TMEM108: variants seen among roughly 807,000 people sequenced by gnomAD.
TMEM108 encodes cancer/testis antigen 124.
In TMEM108, 12 loss-of-function variants were observed where a neutral mutation model predicts 35.1. That is an observed-to-expected ratio of 0.34 (90% CI 0.22 to 0.55). The LOEUF (loss-of-function observed/expected upper bound fraction) is 0.55. TMEM108 is among the 20% of genes least tolerant of loss of function. TMEM108 has a pLI of 0.89. For missense variants in TMEM108, 680 were observed against 753.3 expected (o/e 0.90, Z 1.14); for synonymous variants, 287 against 308.6 (o/e 0.93, Z 0.73).
intron 2 of TMEM108, among the ~76,000 whole-genome samples, chr3:133,112,412 A>AT (rs1944236840): frequency 6.6e-6 from 1 of 152,172 alleles, no homozygotes; most frequent in South Asian, 2.1e-4. Context: ...CATAATGAAG[A>AT]TATTTGTTAA....
intron 1 of TMEM108, among the ~76,000 whole-genome samples, chr3:133,038,969 A>T (rs181361594): frequency 0.24 from 36,982 of 152,034 alleles, 5,324 homozygotes; most frequent in Non-Finnish European, 0.32. Context: ...CTCGCCGGGG[A>T]CGGAGCCTCC....
intron 2 of TMEM108, among the ~76,000 whole-genome samples, chr3:133,206,416 T>A (rs1945755047): frequency 6.6e-6 from 1 of 152,192 alleles, no homozygotes; most frequent in African/African-American, 2.4e-5. Context: ...TTTGGGCAGG[T>A]TTTTCCTCAT....
chr3:133,374,408 G>C (rs2072769763), intron 3 of TMEM108, among the ~76,000 whole-genome samples: 1 of 152,000 alleles, frequency 6.6e-6, no homozygotes, highest in Non-Finnish European at 1.5e-5. Flanking sequence ...GATCTACTTA[G>C]AAGAAACTTA....
chr3:133,174,388 G>A (rs922848272), intron 2 of TMEM108, among the ~76,000 whole-genome samples: 2 of 152,184 alleles, frequency 1.3e-5, no homozygotes, highest in African/African-American at 4.8e-5. Flanking sequence ...CCTCAAGTGG[G>A]TCCCTGACCC....
intron 3 of TMEM108, among the ~76,000 whole-genome samples, chr3:133,240,812 A>T (rs1183644644): frequency 6.6e-6 from 1 of 152,198 alleles, no homozygotes; most frequent in African/African-American, 2.4e-5. Context: ...AGGGTATAAA[A>T]ACATTTCATG....
At chr3:133,179,200 T>C (rs1193343883) in intron 2 of TMEM108, among the ~76,000 whole-genome samples, 3 of 151,788 alleles carry the variant, frequency 2.0e-5, no homozygotes, top group Non-Finnish European at 4.4e-5. Context: ...ACTTTTACAC[T>C]GTTGGTGGGA....
intron 5 of TMEM108, among the ~76,000 whole-genome samples, chr3:133,392,936 T>A (rs1576548139): frequency 6.6e-6 from 1 of 152,186 alleles, no homozygotes; most frequent in Non-Finnish European, 1.5e-5. Flanking sequence ...CAAGGCAGGA[T>A]CCCATGTCCG....
chr3:133,326,490 A>G (rs1409338158), intron 3 of TMEM108, among the ~76,000 whole-genome samples: 1 of 152,158 alleles, frequency 6.6e-6, no homozygotes, highest in Admixed American at 6.6e-5. Flanking sequence ...AAAGCCCTTC[A>G]CCTTACTGGG....
chr3:133,145,851 TGAG>T (rs1315181590), intron 2 of TMEM108, among the ~76,000 whole-genome samples: 3 of 152,216 alleles, frequency 2.0e-5, no homozygotes, highest in Admixed American at 6.5e-5. Context: ...CTTATCAGCT[TGAG>T]GAGATTTTGG....
chr3:133,291,621 A>G (rs944477752), intron 3 of TMEM108, among the ~76,000 whole-genome samples: 6 of 152,000 alleles, frequency 3.9e-5, no homozygotes, highest in Admixed American at 1.3e-4. Context: ...ACCTTCATGG[A>G]GCTATGGAAT....
intron 2 of TMEM108, among the ~76,000 whole-genome samples, chr3:133,202,996 G>A (rs1003803302): frequency 6.6e-6 from 1 of 152,146 alleles, no homozygotes; most frequent in Non-Finnish European, 1.5e-5. Flanking sequence ...TCTCCTTGAA[G>A]AGGTCCTTCA....
intron 2 of TMEM108, among the ~76,000 whole-genome samples, chr3:133,118,110 T>G (rs1205023367): frequency 6.6e-6 from 1 of 151,180 alleles, no homozygotes; most frequent in African/African-American, 2.5e-5. Context: ...GAGTACTACC[T>G]CTAGGTTCTC....
chr3:133,151,639 CAA>C (rs1576347241), intron 2 of TMEM108, among the ~76,000 whole-genome samples: 5 of 152,154 alleles, frequency 3.3e-5, no homozygotes, highest in Admixed American at 1.3e-4. Flanking sequence ...ATAATAGTAA[CAA>C]AGAGCCTATT....
intron 3 of TMEM108, among the ~76,000 whole-genome samples, chr3:133,309,361 T>C (rs1223789891): frequency 6.6e-6 from 1 of 152,180 alleles, no homozygotes; most frequent in African/African-American, 2.4e-5. Flanking sequence ...GTCTATCTCT[T>C]TCAGTTCTGC....
intron 1 of TMEM108, among the ~76,000 whole-genome samples, chr3:133,039,698 A>G (rs984901028): frequency 1.3e-5 from 2 of 152,202 alleles, no homozygotes; most frequent in Non-Finnish European, 2.9e-5. Flanking sequence ...CTAACTCATT[A>G]TGAAGATATT....
At chr3:133,061,838 A>T (rs942509168) in intron 2 of TMEM108, among the ~76,000 whole-genome samples, 3 of 152,210 alleles carry the variant, frequency 2.0e-5, no homozygotes, top group Non-Finnish European at 4.4e-5. Context: ...ATTCAGATTT[A>T]TCACTTTACC....
intron 4 of TMEM108, chr3:133,387,025 T>TTTTC (rs1213152173): frequency 1.0e-6 from 1 of 985,620 alleles, no homozygotes; most frequent in Non-Finnish European, 1.2e-6. Flanking sequence ...TGACTTGTAC[T>TTTTC]TTTCTTTCTT....
chr3:133,278,384 T>C (rs917950783), intron 3 of TMEM108, among the ~76,000 whole-genome samples: 2 of 152,224 alleles, frequency 1.3e-5, no homozygotes, highest in African/African-American at 2.4e-5. Context: ...GGTGGATTAA[T>C]CAAGTGAGAT....
chr3:133,339,423 A>G (rs2071596713), intron 3 of TMEM108, among the ~76,000 whole-genome samples: 1 of 151,994 alleles, frequency 6.6e-6, no homozygotes, highest in African/African-American at 2.4e-5. Flanking sequence ...TTAAATATAT[A>G]TACACCCAAC....
Sources: allele counts gnomAD v4.1 joint callset (sites outside exome capture counted in the v4.1 genomes callset), GRCh38; gene constraint gnomAD v4.1.1; transcripts MANE v1.5; gene names NCBI Gene and HGNC (gene_info 2026-07-23, HGNC 2026-07-21).